RNLS: variants seen among roughly 807,000 people sequenced by gnomAD.
RNLS encodes the protein renalase.
A neutral mutation model predicts 39.8 loss-of-function variants in RNLS; 39 were observed. The ratio of observed to expected loss-of-function variants is 0.98; its 90% CI spans 0.76 to 1.28. The LOEUF is 1.28. RNLS is among the 50% of genes most tolerant of loss of function. RNLS has a pLI of 0.00. For synonymous variants in RNLS, 147 were observed against 150.7 expected (o/e 0.98, Z 0.18); for missense variants, 410 against 413.3 (o/e 0.99, Z 0.07).
At chr10:88,409,826 A>G (rs767692604) in intron 4 of RNLS, among the ~76,000 whole-genome samples, 1 of 152,140 alleles carries the variant, frequency 6.6e-6, no homozygotes, top group Non-Finnish European at 1.5e-5. Flanking sequence ...TAAGTTTGTC[A>G]GCCTAGTAGC....
At chr10:88,315,537 C>T (rs76496053) in intron 5 of RNLS, among the ~76,000 whole-genome samples, 2 of 152,288 alleles carry the variant, frequency 1.3e-5, no homozygotes, top group East Asian at 3.9e-4. Flanking sequence ...GAACCTCCCC[C>T]TCCTGAGAGA....
At chr10:88,262,321 G>C in the RNLS span, among the ~76,000 whole-genome samples, 1 of 152,140 alleles carries the variant, frequency 6.6e-6, no homozygotes, top group Admixed American at 6.5e-5. Flanking sequence ...AAGGAACAAT[G>C]TTCATTAGCT....
At chr10:88,545,581 A>G in intron 4 of RNLS, 1 of 412,552 alleles carries the variant, frequency 2.4e-6, no homozygotes. Flanking sequence ...GTTACCTCCC[A>G]CTGGGTCCCT....
At chr10:88,309,544 C>T (rs1845198325) in intron 6 of RNLS, 1 of 977,620 alleles carries the variant, frequency 1.0e-6, no homozygotes, top group Non-Finnish European at 1.4e-6. Context: ...CTTTTAACTC[C>T]TAGCAGTACT....
intron 4 of RNLS, among the ~76,000 whole-genome samples, chr10:88,530,660 G>A (rs1463574235): frequency 6.6e-6 from 1 of 152,012 alleles, no homozygotes; most frequent in Non-Finnish European, 1.5e-5. Context: ...GCTCACCATT[G>A]CCTCTCATAC....
At chr10:88,449,075 C>A (rs970418513) in intron 4 of RNLS, among the ~76,000 whole-genome samples, 2 of 152,260 alleles carry the variant, frequency 1.3e-5, no homozygotes, top group East Asian at 3.9e-4. Flanking sequence ...GTGCAGCACA[C>A]CAACGTGGCA....
At chr10:88,577,537 G>A (rs1013770823) in intron 3 of RNLS, among the ~76,000 whole-genome samples, 6 of 152,086 alleles carry the variant, frequency 3.9e-5, no homozygotes, top group African/African-American at 1.2e-4. Flanking sequence ...AACTACATAC[G>A]TAAAGTACCT....
chr10:88,487,281 A>G (rs1276468144), intron 4 of RNLS, among the ~76,000 whole-genome samples: 6 of 152,114 alleles, frequency 3.9e-5, no homozygotes, highest in Admixed American at 2.6e-4. Context: ...TGCTGAAATA[A>G]CCTGTACAAT....
At chr10:88,567,524 G>A (rs940519190) in intron 4 of RNLS, among the ~76,000 whole-genome samples, 2 of 152,150 alleles carry the variant, frequency 1.3e-5, no homozygotes, top group Non-Finnish European at 2.9e-5. Context: ...GTTATAGTAT[G>A]TTATTAAAAC....
the RNLS span, among the ~76,000 whole-genome samples, chr10:88,239,887 G>A: frequency 6.6e-6 from 1 of 152,310 alleles, no homozygotes; most frequent in East Asian, 1.9e-4. Context: ...GGCAATTCTG[G>A]TAGCTGCTAG....
intron 5 of RNLS, among the ~76,000 whole-genome samples, chr10:88,361,683 T>C (rs1156884559): frequency 6.6e-6 from 1 of 152,240 alleles, no homozygotes; most frequent in Non-Finnish European, 1.5e-5. Context: ...TCTATCATTA[T>C]GAAGGTCTGG....
chr10:88,284,623 CA>C lies in RNLS; in HGVS notation c.*730del. 1.0e-6 allele frequency: 1 copy of C among 985,146 alleles called. No homozygotes were observed. Among genetic ancestry groups the C allele is most frequent in the Non-Finnish European group, 1.2e-6 (1 of 829,746 alleles). 61.0% of individuals were successfully genotyped at this position (985,146 alleles called of 1,614,324 possible). ...TAACAGCAACAGCTATAAAATATAG[CA>C]AAAGGTAAGGATCGATATACTTTCT... On this transcript the variant is annotated 3_prime_UTR_variant, in exon 7 of 7. Transcript: ENST00000331772.
chr10:88,315,229 T>C (rs1222510552), intron 5 of RNLS, among the ~76,000 whole-genome samples: 1 of 152,226 alleles, frequency 6.6e-6, no homozygotes, highest in Non-Finnish European at 1.5e-5. Context: ...AAAATAAAAG[T>C]CTGTCTCATT....
chr10:88,426,427 T>A (rs1424878810), intron 4 of RNLS, among the ~76,000 whole-genome samples: 4 of 151,840 alleles, frequency 2.6e-5, no homozygotes, highest in African/African-American at 4.8e-5. Flanking sequence ...ATAGAAAACA[T>A]TCCCCCCAAT....
Position 88,583,091 on chromosome 10 carries a change from C to G in RNLS, c.100G>C (p.Asp34His), listed in dbSNP as rs773555002. Reference sequence around the variant, plus strand: ...AACCCACCTGAGTCCTCAGCCTTGTCCCACACAGCAAGGTACAAGGGACCG... The same window carrying G: ...AACCCACCTGAGTCCTCAGCCTTGTGCCACACAGCAAGGTACAAGGGACCG... The part of the protein sequence containing the change: ...TSGPLYLAVW[D>H]KAEDSGGRMT... Residue 34 changes from aspartate to histidine, a missense_variant, in exon 1 of 7, where the codon GAC (aspartate) becomes CAC (histidine). Coordinates refer to ENST00000331772, the MANE Select transcript of RNLS (RefSeq NM_001031709.3). 1 of 1,613,934 alleles carries G rather than the reference C, an allele frequency of 6.2e-7. No homozygotes were observed. The highest frequency in any genetic ancestry group is 8.5e-7 in the Non-Finnish European group (1 of 1,179,904).
intron 4 of RNLS, among the ~76,000 whole-genome samples, chr10:88,374,418 T>TAGC (rs1370548709): frequency 6.6e-6 from 1 of 152,150 alleles, no homozygotes; most frequent in Admixed American, 6.6e-5. Context: ...GCCTAGAACA[T>TAGC]AGCAGGTGGT....
intron 4 of RNLS, among the ~76,000 whole-genome samples, chr10:88,551,053 T>C (rs775168310): frequency 2.6e-5 from 4 of 152,204 alleles, no homozygotes; most frequent in Non-Finnish European, 5.9e-5. Flanking sequence ...TCAGGAACTC[T>C]TGCTATATTA....
chr10:88,312,339 T>C (rs1018846922), intron 6 of RNLS, among the ~76,000 whole-genome samples: 1 of 152,116 alleles, frequency 6.6e-6, no homozygotes, highest in African/African-American at 2.4e-5. Context: ...TTCTAGAAGA[T>C]GACAAAGGCA....
intron 4 of RNLS, among the ~76,000 whole-genome samples, chr10:88,468,787 C>A (rs1843352788): frequency 6.6e-6 from 1 of 152,132 alleles, no homozygotes; most frequent in Non-Finnish European, 1.5e-5. Context: ...TGTTCCCGTA[C>A]TACGTCCCTT....
Sources: allele counts gnomAD v4.1 joint callset (sites outside exome capture counted in the v4.1 genomes callset), GRCh38; gene constraint gnomAD v4.1.1; transcripts MANE v1.5; gene names NCBI Gene and HGNC (gene_info 2026-07-23, HGNC 2026-07-21).